The following AFAP1 variants were observed in gnomAD, a reference collection of about 807,000 sequenced individuals.
AFAP1 encodes actin filament associated protein 1.
Under a neutral mutation model 93.9 loss-of-function variants are expected in AFAP1, and 75 were observed. That is an observed-to-expected ratio of 0.80 (90% CI 0.66 to 0.97). The LOEUF (loss-of-function observed/expected upper bound fraction) is 0.97. Among genes scored for constraint, AFAP1 ranks in the 50% least tolerant of loss-of-function variants. AFAP1 has a pLI of 0.00. For missense variants in AFAP1, 1,201 were observed against 1,050.8 expected, an observed-to-expected ratio of 1.14 and a Z score of -1.98; for synonymous variants, 517 against 430.7, an observed-to-expected ratio of 1.20 and a Z score of -2.48.
At chr4:7,767,330 A>G (rs191626532) in intron 17 of AFAP1, among the ~76,000 whole-genome samples, 131 of 152,262 alleles carry the variant, frequency 8.6e-4, no homozygotes, top group Non-Finnish European at 1.5e-4. Flanking sequence ...ACACACGGTG[A>G]TGGGAGCCCT....
At chr4:7,931,943 C>A (rs1428997028) in intron 1 of AFAP1, among the ~76,000 whole-genome samples, 1 of 152,070 alleles carries the variant, frequency 6.6e-6, no homozygotes, top group Admixed American at 6.6e-5. Flanking sequence ...TCACTGCAAG[C>A]TCCACCTCCA....
At position 7,762,066 on chromosome 4, in the gene AFAP1, G is replaced by A. The variant is rs930346678; in HGVS notation, c.*1699C>T. 3 of 152,242 alleles carry A rather than the reference G, an allele frequency of 2.0e-5. No homozygotes were observed. Among genetic ancestry groups the A allele is most frequent in the Non-Finnish European group, 4.4e-5 (3 of 68,052 alleles). 9.4% of individuals were successfully genotyped at this position (152,242 alleles called of 1,614,324 possible). ...GGCTTTGCAATCAATTCAAGTTCAG[G>A]TGGACTCAAGCAGCTTCCAATTCGT... On this transcript the variant is annotated 3_prime_UTR_variant, in exon 18 of 18. Transcript: ENST00000420658.
At chr4:7,822,897 TTTC>T (rs1320775854) in intron 6 of AFAP1, among the ~76,000 whole-genome samples, 2 of 143,810 alleles carry the variant, frequency 1.4e-5, no homozygotes, top group African/African-American at 2.7e-5. Flanking sequence ...CCGGCCCCTC[TTTC>T]TTTTTTTTTT....
rs1294807588 is a variant in AFAP1, at chr4:7,759,852, G to A, written c.*3913C>T. 6.6e-6 allele frequency: 1 copy of A among 152,238 alleles called. No homozygotes were observed. Among genetic ancestry groups the A allele is most frequent in the Non-Finnish European group, 1.5e-5 (1 of 68,058 alleles). 9.4% of individuals were successfully genotyped at this position (152,238 alleles called of 1,614,324 possible). On this transcript the variant is annotated 3_prime_UTR_variant, in exon 18 of 18. Transcript: ENST00000420658. ...TGTCGGCCCCGCCCTGTGGCACAAGGTGCCTTTTCTCTGGATGGCAGTCGC... is the reference window on the plus strand; with the variant it reads ...TGTCGGCCCCGCCCTGTGGCACAAGATGCCTTTTCTCTGGATGGCAGTCGC...
chr4:7,925,027 C>T (rs1213257398), intron 1 of AFAP1, among the ~76,000 whole-genome samples: 1 of 152,174 alleles, frequency 6.6e-6, no homozygotes, highest in Admixed American at 6.5e-5. Flanking sequence ...CATCCTGAAG[C>T]TTCCCCACTC....
chr4:7,845,243 C>G (rs115035139), intron 4 of AFAP1, among the ~76,000 whole-genome samples: 1 of 151,804 alleles, frequency 6.6e-6, no homozygotes, highest in Non-Finnish European at 1.5e-5. Context: ...GGCAACATAG[C>G]GAGACCCTAT....
Position 7,781,457 on chromosome 4 carries a change from G to A in AFAP1, c.1701C>T (p.Asn567=), listed in dbSNP as rs147973808. ...GAGCGGAGGCAGGGTATTTGTAATG[G>A]TTAGAGGACAGCTTGTCAGCAGACA... ...SRLSADKLSS[N]HYKYPASAQS... Residue 567 remains asparagine, a synonymous_variant, in exon 13 of 18, where the codon AAC becomes AAT. Transcript: ENST00000420658. 1.3e-6 allele frequency: 2 copies of A among 1,552,092 alleles called. No homozygotes were observed. Among genetic ancestry groups the A allele is most frequent in the Non-Finnish European group, 1.7e-6 (2 of 1,147,064 alleles).
At chr4:7,832,627 ACT>A (rs1711760256) in intron 6 of AFAP1, among the ~76,000 whole-genome samples, 1 of 150,996 alleles carries the variant, frequency 6.6e-6, no homozygotes, top group Non-Finnish European at 1.5e-5. Flanking sequence ...GATAACCGTC[ACT>A]CTTCACAGAA....
intron 1 of AFAP1, among the ~76,000 whole-genome samples, chr4:7,921,505 A>G (rs1462427049): frequency 2.6e-5 from 4 of 151,690 alleles, no homozygotes; most frequent in African/African-American, 7.3e-5. Context: ...TAACCTATCT[A>G]TTAGACTGAC....
chr4:7,860,289 GACA>G (rs1715528900), intron 3 of AFAP1, among the ~76,000 whole-genome samples: 2 of 148,492 alleles, frequency 1.3e-5, no homozygotes, highest in Admixed American at 6.8e-5. Flanking sequence ...GTATATGTGT[GACA>G]GGGGGGTGGA....
At chr4:7,924,483 G>A (rs896553488) in intron 1 of AFAP1, among the ~76,000 whole-genome samples, 1 of 152,162 alleles carries the variant, frequency 6.6e-6, no homozygotes, top group Non-Finnish European at 1.5e-5. Context: ...TACTATTGTT[G>A]AAGATTTCCT....
intron 1 of AFAP1, among the ~76,000 whole-genome samples, chr4:7,887,080 A>G (rs1224875592): frequency 6.6e-6 from 1 of 152,162 alleles, no homozygotes; most frequent in Admixed American, 6.5e-5. Flanking sequence ...AATGGCATTG[A>G]TGGATCTCCA....
At chr4:7,865,066 A>C (rs1716248490) in intron 3 of AFAP1, among the ~76,000 whole-genome samples, 1 of 152,262 alleles carries the variant, frequency 6.6e-6, no homozygotes, top group Non-Finnish European at 1.5e-5. Context: ...CATTCATAAA[A>C]TTCTAGGAAT....
At position 7,804,357 on chromosome 4, in the gene AFAP1, A is replaced by G. The variant is rs555298977; in HGVS notation, c.1055-3704T>C. Among the ~76,000 whole-genome samples the G allele has an allele frequency of 6.6e-5, 10 of 152,308 alleles. 1 individual carries two copies. The South Asian group carries it at 1.9e-3, about 28-fold the overall frequency. ...ATTTTATTTTTGAATCTCACTTATC[A>G]TATTATGGTAGGGTGTTACTGAATT... On this transcript the variant is annotated intron_variant, in intron 9 of 17. Transcript: ENST00000420658.
At chr4:7,937,307 T>C (rs9993085) in intron 1 of AFAP1, among the ~76,000 whole-genome samples, 51,379 of 152,158 alleles carry the variant, frequency 0.34, 9,190 homozygotes, top group African/African-American at 0.43. Context: ...CTTCCGTTAT[T>C]TACACCATTG....
chr4:7,906,165 A>G (rs16841396), intron 1 of AFAP1, among the ~76,000 whole-genome samples: 4,755 of 152,290 alleles, frequency 0.031, 218 homozygotes, highest in African/African-American at 0.099. Context: ...ACCTATCGAG[A>G]AAGAAACAGG....
intron 1 of AFAP1, among the ~76,000 whole-genome samples, chr4:7,880,987 C>CA (rs746755782): frequency 1.3e-5 from 2 of 152,196 alleles, no homozygotes; most frequent in Non-Finnish European, 2.9e-5. Context: ...TCCTGAATTA[C>CA]ACTCAAGGGC....
At position 7,911,117 on chromosome 4, in the gene AFAP1, T is replaced by A. The variant is rs114722536; in HGVS notation, c.-3+28539A>T. Among the ~76,000 whole-genome samples, 3 of 152,288 alleles carry A rather than the reference T, an allele frequency of 2.0e-5. No homozygotes were observed. The East Asian group carries it at 5.8e-4, about 29-fold the overall frequency. On this transcript the variant is annotated intron_variant, in intron 1 of 17. Transcript: ENST00000420658. ...TTACTTGTCATGCTGGTCATTTCTATGAGCAGATGGGTTGAGAAAGACTTG... is the reference window on the plus strand; with the variant it reads ...TTACTTGTCATGCTGGTCATTTCTAAGAGCAGATGGGTTGAGAAAGACTTG...
chr4:7,858,227 C>G (rs992135423), intron 3 of AFAP1, among the ~76,000 whole-genome samples: 38 of 152,194 alleles, frequency 2.5e-4, no homozygotes, highest in Admixed American at 6.5e-5. Context: ...TACATATACA[C>G]AGAGGCAGAA....
Sources: allele counts gnomAD v4.1 joint callset (sites outside exome capture counted in the v4.1 genomes callset), GRCh38; gene constraint gnomAD v4.1.1; transcripts MANE v1.5; gene names NCBI Gene and HGNC (gene_info 2026-07-23, HGNC 2026-07-21).